Variants in TET1 observed in about 807,000 individuals in gnomAD.
The protein encoded by TET1 is tet methylcytosine dioxygenase 1.
TET1 carries 13 observed loss-of-function variants against 148.7 expected under a neutral mutation model. The ratio of observed to expected loss-of-function variants is 0.09; its 90% CI spans 0.06 to 0.14. TET1 has a LOEUF of 0.14. Ranked by LOEUF, TET1 falls within the 10% of genes least tolerant of loss-of-function variation. The pLI, the probability that TET1 is intolerant of heterozygous loss-of-function variation, is 1.00. For synonymous variants in TET1, 907 were observed against 937.2 expected, an observed-to-expected ratio of 0.97 and a Z score of 0.59; for missense variants, 2,182 against 2,553.8, an observed-to-expected ratio of 0.85 and a Z score of 3.14.
chr10:68,621,304 G>A (rs1427949684), intron 3 of TET1, among the ~76,000 whole-genome samples: 5 of 152,094 alleles, frequency 3.3e-5, no homozygotes, highest in Non-Finnish European at 5.9e-5. Flanking sequence ...GTTCAGTGGC[G>A]TGATCTCGGC....
chr10:68,622,223 C>CCT lies in TET1; in HGVS notation c.1968+21189_1968+21190insCT, dbSNP rs1564973369. 3.2e-3 allele frequency among the ~76,000 whole-genome samples: 211 copies of CCT among 66,592 alleles called. 1 individual carries two copies. The highest frequency in any genetic ancestry group is 0.014 in the African/African-American group (192 of 13,952). 43.7% of individuals were successfully genotyped at this position (66,592 alleles called of 152,430 possible). On this transcript the variant is annotated intron_variant, in intron 3 of 11. Transcript: ENST00000373644. ...CTTCCTTCCTTCCTTCCTTCCTTCC[C>CCT]TCCTTCCTCCCTTCCCTCCCTCCCT... is the stretch of plus-strand genomic sequence containing the variant.
In TET1 at chr10:68,572,217, A is replaced by C; in HGVS notation, c.-122A>C. Reference sequence around the variant, plus strand: ...TCAGTGTATTCTGTTGTTATTTCAGACCAAAACCTTGTGTGACTGAGCTGA... The same window carrying C: ...TCAGTGTATTCTGTTGTTATTTCAGCCCAAAACCTTGTGTGACTGAGCTGA... On this transcript the variant is annotated splice_region_variant and 5_prime_UTR_variant, in exon 2 of 12. Transcript: ENST00000373644. 2 of 803,000 alleles carry C rather than the reference A, an allele frequency of 2.5e-6. No homozygotes were observed. The highest frequency in any genetic ancestry group is 3.9e-6 in the Non-Finnish European group (2 of 511,022). The allele number at this position is 803,000 out of a possible 1,614,324, so 49.7% of individuals were successfully genotyped here.
intron 2 of TET1, among the ~76,000 whole-genome samples, chr10:68,580,805 A>AAAT (rs1554930545): frequency 6.4e-5 from 6 of 94,366 alleles, no homozygotes; most frequent in African/African-American, 2.6e-4. Flanking sequence ...AAAAAAAAAA[A>AAAT]ATATATATAT....
intron 8 of TET1, among the ~76,000 whole-genome samples, chr10:68,680,072 A>C (rs1231526931): frequency 6.6e-6 from 1 of 152,240 alleles, no homozygotes; most frequent in African/African-American, 2.4e-5. Context: ...TGTGTAATCA[A>C]GTCAATATAA....
At chr10:68,593,586 C>T (rs887090151) in intron 2 of TET1, among the ~76,000 whole-genome samples, 2 of 151,880 alleles carry the variant, frequency 1.3e-5, no homozygotes, top group Non-Finnish European at 2.9e-5. Flanking sequence ...TACAGGCATG[C>T]GCCACCATAC....
At chr10:68,660,418 C>T (rs1248359832) in intron 6 of TET1, among the ~76,000 whole-genome samples, 2 of 144,306 alleles carry the variant, frequency 1.4e-5, no homozygotes, top group African/African-American at 5.2e-5. Context: ...GGGCTTACTG[C>T]GACCACCATC....
chr10:68,674,954 A>G (rs1475962294), intron 8 of TET1: 3 of 372,972 alleles, frequency 8.0e-6, no homozygotes. Context: ...TTGTTAGATA[A>G]GTTAAAATGC....
chr10:68,648,606 C>T (rs1219296908), intron 4 of TET1, among the ~76,000 whole-genome samples: 1 of 152,200 alleles, frequency 6.6e-6, no homozygotes, highest in East Asian at 1.9e-4. Context: ...TTATTAGAAG[C>T]AGGTGGTTCC....
At chr10:68,612,496 C>A (rs1197665974) in intron 3 of TET1, among the ~76,000 whole-genome samples, 1 of 152,102 alleles carries the variant, frequency 6.6e-6, no homozygotes, top group Admixed American at 6.5e-5. Flanking sequence ...GAGTTTGAGA[C>A]CAGCCTGGGC....
intron 1 of TET1, among the ~76,000 whole-genome samples, chr10:68,569,148 C>T (rs2053638145): frequency 6.8e-6 from 1 of 146,608 alleles, no homozygotes; most frequent in South Asian, 2.1e-4. Context: ...ACTGCTGGAT[C>T]TCCAGGCAGG....
chr10:68,568,025 T>C (rs1174707284), intron 1 of TET1, among the ~76,000 whole-genome samples: 1 of 150,940 alleles, frequency 6.6e-6, no homozygotes, highest in African/African-American at 2.4e-5. Flanking sequence ...ATTACAGGCA[T>C]GCACCACCAT....
Position 68,645,323 on chromosome 10 carries a change from A to G in TET1, c.2594A>G (p.Lys865Arg), listed in dbSNP as rs201626139. The G allele has an allele frequency of 2.5e-6, 4 of 1,614,056 alleles. No individual in the cohort carries two copies. In the African/African-American group the frequency reaches 5.3e-5, roughly 22 times the overall value. ...AAAACTCCTGAGAATATACCAAGTAAAGAACCAAAAGATGGATCTCCCGTT... is the reference window on the plus strand; with the variant it reads ...AAAACTCCTGAGAATATACCAAGTAGAGAACCAAAAGATGGATCTCCCGTT... ...QPKTPENIPS[K>R]EPKDGSPVQP... Residue 865 changes from lysine to arginine, a missense_variant, in exon 4 of 12, where the codon AAA (lysine) becomes AGA (arginine). Physicochemically the swap from Lys to Arg is conservative, Grantham distance 26. Coordinates refer to ENST00000373644, the MANE Select transcript of TET1 (RefSeq NM_030625.3).
At chr10:68,656,567 C>T (rs1285799490) in intron 6 of TET1, among the ~76,000 whole-genome samples, 1 of 152,170 alleles carries the variant, frequency 6.6e-6, no homozygotes, top group Non-Finnish European at 1.5e-5. Flanking sequence ...TCAGAAAAAT[C>T]GTAATGTTAG....
At chr10:68,615,837 G>A (rs1435668559) in intron 3 of TET1, among the ~76,000 whole-genome samples, 2 of 151,750 alleles carry the variant, frequency 1.3e-5, no homozygotes, top group African/African-American at 4.8e-5. Flanking sequence ...AGTAGAGATG[G>A]GGTTTCTCCA....
chr10:68,660,956 G>A (rs1017496676), intron 6 of TET1, among the ~76,000 whole-genome samples: 4 of 149,740 alleles, frequency 2.7e-5, no homozygotes, highest in East Asian at 2.0e-4. Flanking sequence ...GTGCCACCGC[G>A]CTAGCCGTTT....
chr10:68,571,545 C>A (rs1011633600), intron 1 of TET1, among the ~76,000 whole-genome samples: 1 of 151,158 alleles, frequency 6.6e-6, no homozygotes, highest in South Asian at 2.1e-4. Context: ...GGATTACAGG[C>A]GTGAGCCACT....
intron 8 of TET1, among the ~76,000 whole-genome samples, chr10:68,676,435 C>G (rs2055363454): frequency 6.6e-6 from 1 of 151,438 alleles, no homozygotes; most frequent in African/African-American, 2.4e-5. Flanking sequence ...AAGCGCCCAC[C>G]ACCACAGCCG....
chr10:68,630,234 G>GTTA (rs753443734), intron 3 of TET1, among the ~76,000 whole-genome samples: 6 of 152,142 alleles, frequency 3.9e-5, no homozygotes, highest in Non-Finnish European at 8.8e-5. Context: ...GGAGCCTTGG[G>GTTA]TTATTATTAA....
At position 68,573,985 on chromosome 10, in the gene TET1, T is replaced by G; in HGVS notation, c.1647T>G (p.Ser549Arg). The G allele has an allele frequency of 6.2e-7, 1 of 1,614,178 alleles. No individual in the cohort carries two copies. Among genetic ancestry groups the G allele is most frequent in the Non-Finnish European group, 8.5e-7 (1 of 1,180,040 alleles). ...SKSDRGSSQV[S>R]VTSTVHVVNT... ...CAGACAGAGGGAGCTCCCAGGTCAG[T>G]GTAACCAGCACAGTTCATGTTGTCA... The change falls in exon 2 of 12, where the codon AGT becomes AGG. Residue 549 changes from serine (S) to arginine (R), a missense_variant. Ser to Arg is a moderately radical substitution (Grantham distance 110). This residue lies in a region of TET1 where 665 missense variants were observed against 672.4 expected (regional missense o/e 0.99). Transcript: ENST00000373644.
Sources: allele counts gnomAD v4.1 joint callset (sites outside exome capture counted in the v4.1 genomes callset), GRCh38; gene constraint gnomAD v4.1.1; regional missense constraint gnomAD v4.1.1; transcripts MANE v1.5; gene names NCBI Gene and HGNC (gene_info 2026-07-23, HGNC 2026-07-21).